The following CBLN2 variants were observed in gnomAD, a reference collection of about 807,000 sequenced individuals.
CBLN2 encodes the protein cerebellin-2.
In CBLN2, 7 loss-of-function variants were observed where a neutral mutation model predicts 15.0. That is an observed-to-expected ratio of 0.47 (90% CI 0.27 to 0.88). The LOEUF (loss-of-function observed/expected upper bound fraction) is 0.88, where lower values mean the gene tolerates loss of function less well. CBLN2 is among the 40% of genes least tolerant of loss of function. The pLI is 0.14. For missense variants in CBLN2, 242 were observed against 304.5 expected (o/e 0.79, Z 1.53); for synonymous variants, 149 against 135.2 (o/e 1.10, Z -0.71).
intron 1 of CBLN2, among the ~76,000 whole-genome samples, chr18:72,565,357 G>C (rs1249361785): frequency 6.6e-6 from 1 of 151,800 alleles, no homozygotes; most frequent in Non-Finnish European, 1.5e-5. Context: ...CACCATTATA[G>C]TATTTCTAGT....
intron 1 of CBLN2, among the ~76,000 whole-genome samples, chr18:72,565,781 G>A (rs1329946137): frequency 3.3e-5 from 5 of 152,058 alleles, no homozygotes; most frequent in Non-Finnish European, 5.9e-5. Context: ...AGTCCTCAAA[G>A]GCACAGGTGA....
intron 1 of CBLN2, among the ~76,000 whole-genome samples, chr18:72,627,722 A>G (rs2069749765): frequency 1.3e-5 from 2 of 152,262 alleles, no homozygotes; most frequent in Admixed American, 6.5e-5. Context: ...TGCACATATT[A>G]GTAATCATGA....
At position 72,591,480 on chromosome 18, in the gene CBLN2, T is replaced by C. The variant is rs1313465436; in HGVS notation, c.15+46845A>G. On this transcript the variant is annotated intron_variant, in intron 1 of 2. Coordinates refer to the CBLN2 transcript ENST00000581073. ...TAAGGTATCCATTACATAAAGCATT[T>C]AACTATTCTTTGTGTTACAAATAAG... is the stretch of plus-strand genomic sequence containing the variant. Among the ~76,000 whole-genome samples, 3 of 152,170 alleles carry C rather than the reference T, an allele frequency of 2.0e-5. 1 individual carries two copies. The highest frequency in any genetic ancestry group is 4.4e-5 in the Non-Finnish European group (3 of 68,008).
At chr18:72,630,495 A>AACACACACAC (rs3030024) in intron 1 of CBLN2, among the ~76,000 whole-genome samples, 2,984 of 140,398 alleles carry the variant, frequency 0.021, 106 homozygotes, top group African/African-American at 0.077. Context: ...CTACTGCTCC[A>AACACACACAC]ACACACACAC....
chr18:72,627,800 G>A (rs1432160290), intron 1 of CBLN2, among the ~76,000 whole-genome samples: 1 of 152,014 alleles, frequency 6.6e-6, no homozygotes, highest in Non-Finnish European at 1.5e-5. Context: ...TGTGCTACAA[G>A]TGTTAAAAGT....
chr18:72,609,290 T>C (rs979386063), intron 1 of CBLN2, among the ~76,000 whole-genome samples: 1 of 152,210 alleles, frequency 6.6e-6, no homozygotes, highest in African/African-American at 2.4e-5. Flanking sequence ...ACTATAATTA[T>C]AAATAGGGTC....
At chr18:72,599,266 G>C (rs116087823) in intron 1 of CBLN2, among the ~76,000 whole-genome samples, 1 of 151,908 alleles carries the variant, frequency 6.6e-6, no homozygotes, top group Non-Finnish European at 1.5e-5. Context: ...AATTTAGTCC[G>C]TAAAGTTTGT....
chr18:72,570,546 C>A (rs934643528), intron 1 of CBLN2, among the ~76,000 whole-genome samples: 13 of 152,050 alleles, frequency 8.5e-5, no homozygotes, highest in Admixed American at 6.6e-4. Context: ...CTGTGCCCAG[C>A]CAGCCAACAG....
intron 1 of CBLN2, among the ~76,000 whole-genome samples, chr18:72,612,157 T>G (rs78377862): frequency 0.032 from 4,934 of 152,326 alleles, 108 homozygotes; most frequent in Non-Finnish European, 0.053. Flanking sequence ...TGTAGTATAA[T>G]TTAAATCAGG....
intron 1 of CBLN2, among the ~76,000 whole-genome samples, chr18:72,583,603 G>C (rs572426336): frequency 6.6e-6 from 1 of 151,944 alleles, no homozygotes; most frequent in East Asian, 1.9e-4. Context: ...ACCTTATTTT[G>C]ACATTTATTC....
rs572066205 is a variant in CBLN2, at chr18:72,584,168, G to A, written c.16-45396C>T. 9.9e-5 allele frequency among the ~76,000 whole-genome samples: 15 copies of A among 152,202 alleles called. No individual in the cohort carries two copies. The South Asian group carries it at 2.1e-3, about 21-fold the overall frequency. ...TGTCCTGCACATAGTCACAGTTGCT[G>A]CTTGATTCTCATTCAGGTCTCAGTT... On this transcript the variant is annotated intron_variant, in intron 1 of 2. Transcript: ENST00000581073.
chr18:72,636,187 T>C (rs1405392773), intron 1 of CBLN2, among the ~76,000 whole-genome samples: 2 of 152,198 alleles, frequency 1.3e-5, no homozygotes, highest in African/African-American at 4.8e-5. Context: ...ATTATCTAAA[T>C]AACACTTCAC....
chr18:72,580,366 T>C (rs2069395195), intron 1 of CBLN2, among the ~76,000 whole-genome samples: 1 of 152,106 alleles, frequency 6.6e-6, no homozygotes, highest in Non-Finnish European at 1.5e-5. Flanking sequence ...TGCAAACACA[T>C]ACATAACTAC....
chr18:72,574,987 G>A (rs766345582), intron 1 of CBLN2, among the ~76,000 whole-genome samples: 1 of 152,164 alleles, frequency 6.6e-6, no homozygotes, highest in African/African-American at 2.4e-5. Flanking sequence ...GAAACAGGTC[G>A]GGGCAAGGGA....
At chr18:72,555,654 C>A (rs925242307) in intron 1 of CBLN2, among the ~76,000 whole-genome samples, 2 of 152,148 alleles carry the variant, frequency 1.3e-5, no homozygotes, top group African/African-American at 4.8e-5. Context: ...ATGTTCAAAT[C>A]TGAAATTAAT....
chr18:72,552,733 A>G (rs1381890712), intron 1 of CBLN2: 1 of 152,218 alleles, frequency 6.6e-6, no homozygotes, highest in African/African-American at 2.4e-5. Flanking sequence ...ACTGGAGAAA[A>G]AAGAAATAAA....
chr18:72,548,450 G>T (rs1224639055), upstream of CBLN2, among the ~76,000 whole-genome samples: 1 of 152,146 alleles, frequency 6.6e-6, no homozygotes, highest in Non-Finnish European at 1.5e-5. Context: ...AAGATTCATA[G>T]GACTATTTTG....
intron 1 of CBLN2, among the ~76,000 whole-genome samples, chr18:72,602,583 G>T (rs551369976): frequency 6.6e-6 from 1 of 152,258 alleles, no homozygotes; most frequent in Admixed American, 6.5e-5. Flanking sequence ...TACAGCAGTT[G>T]TCGGGGTGCC....
chr18:72,572,041 G>A (rs564034734), intron 1 of CBLN2, among the ~76,000 whole-genome samples: 1 of 152,134 alleles, frequency 6.6e-6, no homozygotes, highest in East Asian at 1.9e-4. Context: ...CATTGAGACT[G>A]TGCTCTCTAA....
Sources: allele counts gnomAD v4.1 joint callset (sites outside exome capture counted in the v4.1 genomes callset), GRCh38; gene constraint gnomAD v4.1.1; transcripts MANE v1.5; gene names NCBI Gene and HGNC (gene_info 2026-07-23, HGNC 2026-07-21).